Variants in PHF20L1 observed in about 807,000 individuals in gnomAD.
The protein encoded by PHF20L1 is PHD finger protein 20-like protein 1.
In PHF20L1, 44 loss-of-function variants were observed where a neutral mutation model predicts 125.5. That is an observed-to-expected ratio of 0.35 (90% CI 0.28 to 0.45). PHF20L1 has a LOEUF of 0.45. Among genes scored for constraint, PHF20L1 ranks in the 20% least tolerant of loss-of-function variants. PHF20L1 has a pLI of 1.00. For missense variants in PHF20L1, 1,012 were observed against 1,217.2 expected (o/e 0.83, Z 2.51); for synonymous variants, 380 against 403.1 (o/e 0.94, Z 0.69).
chr8:132,843,408 T>C (rs1838126083), intron 19 of PHF20L1: 1 of 981,080 alleles, frequency 1.0e-6, no homozygotes, highest in Non-Finnish European at 1.2e-6. Context: ...CTTTATTTTT[T>C]ACTGATTTTC....
In PHF20L1 at chr8:132,806,007, T is replaced by C. The variant is rs138152529; in HGVS notation, c.847+1267T>C. Among the ~76,000 whole-genome samples the C allele has an allele frequency of 5.9e-5, 9 of 152,102 alleles. No individual in the cohort carries two copies. The East Asian group carries it at 1.2e-3, about 20-fold the overall frequency. Reference sequence around the variant, plus strand: ...GAGACTTCAGTTTTGCCTTAAAATATGGAACCCAGTGCTATGTGCTGGGCA... The same window carrying C: ...GAGACTTCAGTTTTGCCTTAAAATACGGAACCCAGTGCTATGTGCTGGGCA... On this transcript the variant is annotated intron_variant, in intron 8 of 20. Transcript: ENST00000395386.
chr8:132,812,433 A>G, intron 9 of PHF20L1: 1 of 985,148 alleles, frequency 1.0e-6, no homozygotes, highest in Non-Finnish European at 1.2e-6. Context: ...AGAGAAGTAC[A>G]GAAAACCACG....
chr8:132,777,743 T>C, intron 1 of PHF20L1, 49 bp from the exon 2 acceptor site: 1 of 826,640 alleles, frequency 1.2e-6, no homozygotes, highest in Admixed American at 1.9e-5. Flanking sequence ...TATACTCTAC[T>C]TCCTATGCAT....
Position 132,846,022 on chromosome 8 carries a change from G to A in PHF20L1, c.*99G>A, listed in dbSNP as rs1838399348. Reference sequence around the variant, plus strand: ...GTGGATAATTTAAAAGCTTAGTAATGTCTGGTCATTCACTGATTTGTGATG... The same window carrying A: ...GTGGATAATTTAAAAGCTTAGTAATATCTGGTCATTCACTGATTTGTGATG... On this transcript the variant is annotated 3_prime_UTR_variant, in exon 21 of 21. Transcript: ENST00000395386. The A allele has an allele frequency of 9.1e-6, 8 of 876,148 alleles. No homozygotes were observed. The highest frequency in any genetic ancestry group is 3.8e-5 in the South Asian group (2 of 52,358). The allele number at this position is 876,148 out of a possible 1,614,324, so 54.3% of individuals were successfully genotyped here.
intron 2 of PHF20L1, among the ~76,000 whole-genome samples, chr8:132,789,586 CAATG>C (rs1831440439): frequency 6.6e-6 from 1 of 152,080 alleles, no homozygotes; most frequent in Non-Finnish European, 1.5e-5. Flanking sequence ...GCCAAATAAA[CAATG>C]AAGAATCCAT....
chr8:132,778,784 T>G (rs1165830248), intron 2 of PHF20L1, among the ~76,000 whole-genome samples: 3 of 152,200 alleles, frequency 2.0e-5, no homozygotes, highest in Non-Finnish European at 4.4e-5. Context: ...GCTCCTAACC[T>G]GAGAGGGGCA....
Position 132,775,418 on chromosome 8 carries a change from C to T in PHF20L1, c.-265C>T, listed in dbSNP as rs943586416. On this transcript the variant is annotated 5_prime_UTR_variant, in exon 1 of 21. Coordinates refer to ENST00000395386, the MANE Select transcript of PHF20L1 (RefSeq NM_016018.5). ...TGGCCGGCGGCGGAGGCGGCGGCGGCGGCGGCGATGGCAGCGGACCCTGAG... is the reference window on the plus strand; with the variant it reads ...TGGCCGGCGGCGGAGGCGGCGGCGGTGGCGGCGATGGCAGCGGACCCTGAG... 6 of 384,096 alleles carry T rather than the reference C, an allele frequency of 1.6e-5. No individual in the cohort carries two copies. Among genetic ancestry groups the T allele is most frequent in the Admixed American group, 1.4e-4 (3 of 21,860 alleles). The allele number at this position is 384,096 out of a possible 1,614,324, so 23.8% of individuals were successfully genotyped here. A position where few individuals can be genotyped will look rare whatever the true frequency, so the allele number is the denominator to read the frequency against.
chr8:132,822,195 C>T (rs867612505), intron 12 of PHF20L1, among the ~76,000 whole-genome samples: 13 of 152,002 alleles, frequency 8.6e-5, no homozygotes, highest in South Asian at 8.3e-4. Context: ...AACAGTATCT[C>T]GAACTGACTC....
At chr8:132,830,484 C>A (rs757345355) in intron 14 of PHF20L1, among the ~76,000 whole-genome samples, 1 of 152,092 alleles carries the variant, frequency 6.6e-6, no homozygotes, top group Non-Finnish European at 1.5e-5. Flanking sequence ...TTAGCACAGA[C>A]CAATGCGTCT....
intron 8 of PHF20L1, among the ~76,000 whole-genome samples, chr8:132,805,450 C>T (rs914153627): frequency 1.3e-5 from 2 of 151,848 alleles, no homozygotes; most frequent in African/African-American, 4.8e-5. Context: ...GTCTATTCAG[C>T]CTAGTGATTC....
At chr8:132,843,904 G>T (rs1352442157) in intron 19 of PHF20L1, 104 of 985,076 alleles carry the variant, frequency 1.1e-4, no homozygotes, top group Non-Finnish European at 1.2e-4. Flanking sequence ...TTTATTTAGC[G>T]CATTTTATTG....
At chr8:132,793,427 A>G (rs1243436034) in intron 2 of PHF20L1, among the ~76,000 whole-genome samples, 1 of 152,206 alleles carries the variant, frequency 6.6e-6, no homozygotes, top group African/African-American at 2.4e-5. Context: ...AGTTATATAA[A>G]GTCCATTGTA....
At chr8:132,803,589 T>TCA (rs1833343256) in intron 6 of PHF20L1, 1 of 470,876 alleles carries the variant, frequency 2.1e-6, no homozygotes, top group African/African-American at 2.0e-5. Context: ...GAATACCTGT[T>TCA]ATTGAATATG....
At chr8:132,816,722 A>G (rs947366968) in intron 10 of PHF20L1, 166 bp from the exon 11 acceptor site, 1 of 519,986 alleles carries the variant, frequency 1.9e-6, no homozygotes, top group Non-Finnish European at 3.4e-6. Context: ...GAATGAGGGC[A>G]CAATTTTTGC....
chr8:132,834,880 C>A (rs1837169223), intron 15 of PHF20L1, among the ~76,000 whole-genome samples: 1 of 151,690 alleles, frequency 6.6e-6, no homozygotes, highest in South Asian at 2.1e-4. Context: ...GCTGACCTTC[C>A]TTCCGTATGT....
rs1420713936 is a variant in PHF20L1, at chr8:132,798,843, G to A, written c.412G>A (p.Glu138Lys). ...LKRMHIKAMP[E>K]DAKGQVKSQH... ...AAGAATGCACATTAAAGCCATGCCC[G>A]AGGATGCTAAGGGGCAGGTAAGAGT... The change falls in exon 5 of 21, where the codon GAG becomes AAG. Residue 138 changes from glutamate to lysine, a missense_variant. Around this residue, in one of 7 missense-constraint regions of PHF20L1, gnomAD observed 94 missense variants for 179.5 expected, o/e 0.52. Transcript: ENST00000395386. 4 of 1,607,478 alleles carry A rather than the reference G, an allele frequency of 2.5e-6. No homozygotes were observed. The highest frequency in any genetic ancestry group is 1.7e-5 in the Admixed American group (1 of 59,634).
At position 132,817,469 on chromosome 8, in the gene PHF20L1, A is replaced by G. The variant is rs747294942; in HGVS notation, c.1503A>G (p.Glu501=). 1 of 1,612,604 alleles carries G rather than the reference A, an allele frequency of 6.2e-7. No individual in the cohort carries two copies. The highest frequency in any genetic ancestry group is 1.1e-5 in the South Asian group (1 of 91,050). Residue 501 remains glutamate (E), a synonymous_variant, in exon 12 of 21, where the codon GAA becomes GAG. Transcript: ENST00000395386. ...ACCGTAATGAATGTCCCAGGGCAGA[A>G]AAAGAGGATACACAGATGCTTCCAA... ...SSYRNECPRA[E]KEDTQMLPNP...
intron 15 of PHF20L1, 28 bp from the exon 16 acceptor site, chr8:132,836,512 C>T (rs778498077): frequency 1.7e-5 from 24 of 1,421,828 alleles, no homozygotes; most frequent in Non-Finnish European, 2.2e-5. Flanking sequence ...AAAAGTTGTT[C>T]TAAGTATACT....
rs1479413912 is a variant in PHF20L1 at position 132,804,617 on chromosome 8, C to A, written c.724C>A (p.Leu242Ile). 1 of 1,603,738 alleles carries A rather than the reference C, an allele frequency of 6.2e-7. No individual in the cohort carries two copies. Among genetic ancestry groups the A allele is most frequent in the Non-Finnish European group, 8.5e-7 (1 of 1,171,970 alleles). The stretch of plus-strand genomic sequence containing the variant: ...TATATGTGTTCTGTTGAAAGTAGGA[C>A]TTCATGTAGAGAACGTTCCAAAGAT... ...DLPTSSETFGLHVENVPKMVF... is the reference protein window; with the variant it reads ...DLPTSSETFGIHVENVPKMVF... The change falls in exon 8 of 21, where the codon CTT becomes ATT. Residue 242 changes from leucine (L) to isoleucine (I), a missense_variant and splice_region_variant. This residue lies in a region of PHF20L1 where 134 missense variants were observed against 145.9 expected (regional missense o/e 0.92). Coordinates refer to ENST00000395386, the MANE Select transcript of PHF20L1 (RefSeq NM_016018.5).
Sources: allele counts gnomAD v4.1 joint callset (sites outside exome capture counted in the v4.1 genomes callset), GRCh38; gene constraint gnomAD v4.1.1; regional missense constraint gnomAD v4.1.1; transcripts MANE v1.5; gene names NCBI Gene and HGNC (gene_info 2026-07-23, HGNC 2026-07-21).